The following SHLD3 variants were observed in gnomAD, a reference collection of about 807,000 sequenced individuals.
SHLD3 encodes shieldin complex subunit 3, also known as REV7-interacting novel NHEJ regulator 1.
Under a neutral mutation model 21.4 loss-of-function variants are expected in SHLD3, and 15 were observed. That is an observed-to-expected ratio of 0.70 (90% CI 0.47 to 1.08). SHLD3 has a LOEUF of 1.08. SHLD3 is among the 50% of genes least tolerant of loss of function. The pLI is 0.00. For missense variants in SHLD3, 273 were observed against 286.1 expected (o/e 0.95, Z 0.33); for synonymous variants, 103 against 97.2 (o/e 1.06, Z -0.35).
At chr5:65,625,514 T>C (rs1288559646) in intron 1 of SHLD3, 1 of 195,606 alleles carries the variant, frequency 5.1e-6, no homozygotes, top group Non-Finnish European at 1.0e-5. Flanking sequence ...TGCATGACAG[T>C]AGTGCAGAGA....
Position 65,625,075 on chromosome 5 carries a change from C to G in SHLD3, c.-152C>G. The G allele has an allele frequency of 6.2e-7, 1 of 1,613,794 alleles. No individual in the cohort carries two copies. Among genetic ancestry groups the G allele is most frequent in the Non-Finnish European group, 8.5e-7 (1 of 1,179,762 alleles). On this transcript the variant is annotated 5_prime_UTR_variant, in exon 1 of 2. Transcript: ENST00000510585. ...TGCCGGTCAAAATGGAAGTGAATCC[C>G]CCTAAACAGGAGCACCTGCTGGCGC... is the stretch of plus-strand genomic sequence containing the variant.
chr5:65,626,942 C>T (rs189052647), intron 1 of SHLD3, among the ~76,000 whole-genome samples: 38 of 151,808 alleles, frequency 2.5e-4, no homozygotes, highest in Non-Finnish European at 4.6e-4. Context: ...GGAGTTGACA[C>T]CAGCCTGGCC....
At chr5:65,627,556 G>A (rs779615604) in intron 1 of SHLD3, among the ~76,000 whole-genome samples, 1 of 151,918 alleles carries the variant, frequency 6.6e-6, no homozygotes, top group Non-Finnish European at 1.5e-5. Context: ...CTTGACCCTG[G>A]GAGGCGAAGG....
rs566243115 is a variant in SHLD3 at position 65,629,536 on chromosome 5, GA to G, written c.-51del. On this transcript the variant is annotated 5_prime_UTR_variant, in exon 2 of 2. Coordinates refer to ENST00000510585, the MANE Select transcript of SHLD3 (RefSeq NM_001365341.2). Reference sequence around the variant, plus strand: ...AATAAATTAACATTCTAGCTCTGAGGAGTTCAACTAAGAAATTTTCTCATCA... The same window carrying G: ...AATAAATTAACATTCTAGCTCTGAGGGTTCAACTAAGAAATTTTCTCATCA... The G allele has an allele frequency of 2.6e-5, 38 of 1,469,522 alleles. No individual in the cohort carries two copies. The South Asian group carries it at 5.1e-4, about 20-fold the overall frequency. The allele number at this position is 1,469,522 out of a possible 1,614,324, so 91.0% of individuals were successfully genotyped here.
At position 65,630,823 on chromosome 5, in the gene SHLD3, A is replaced by T. The variant is rs1332169296; in HGVS notation, c.*483A>T. 3.1e-6 allele frequency: 1 copy of T among 327,276 alleles called. No individual in the cohort carries two copies. Among genetic ancestry groups the T allele is most frequent in the African/African-American group, 2.2e-5 (1 of 44,864 alleles). 20.3% of individuals were successfully genotyped at this position (327,276 alleles called of 1,614,324 possible). ...TGATAGGCTGTTTTCAAACAACGAT[A>T]CAAAATGTATACTTTGCCTAAAACG... On this transcript the variant is annotated 3_prime_UTR_variant, in exon 2 of 2. Transcript: ENST00000510585.
intron 1 of SHLD3, among the ~76,000 whole-genome samples, chr5:65,628,194 G>C (rs1189579593): frequency 6.6e-6 from 1 of 152,050 alleles, no homozygotes; most frequent in Non-Finnish European, 1.5e-5. Flanking sequence ...GGCAACTTGA[G>C]GACTTCTGTG....
chr5:65,630,013 T>TA lies in SHLD3; in HGVS notation c.431dup (p.Asn144LysfsTer7). On this transcript the variant is annotated frameshift_variant, in exon 2 of 2. Transcript: ENST00000510585. LOFTEE classifies it high-confidence loss of function. Reference sequence around the variant, plus strand: ...TTTCCCTTCCCAGCAATAATTGTACTAAAAACGTTTCTCCTTTGTCTAAAA... The same window carrying TA: ...TTTCCCTTCCCAGCAATAATTGTACTAAAAAACGTTTCTCCTTTGTCTAAAA... 1.3e-6 allele frequency: 2 copies of TA among 1,535,944 alleles called. No homozygotes were observed. The highest frequency in any genetic ancestry group is 1.2e-5 in the South Asian group (1 of 84,056).
At chr5:65,628,225 A>T in intron 1 of SHLD3, among the ~76,000 whole-genome samples, 1 of 152,156 alleles carries the variant, frequency 6.6e-6, no homozygotes, top group Non-Finnish European at 1.5e-5. Flanking sequence ...AAAAAATAGG[A>T]GTCTAGACTT....
intron 1 of SHLD3, among the ~76,000 whole-genome samples, chr5:65,626,791 A>G (rs1755255425): frequency 1.3e-5 from 2 of 151,934 alleles, no homozygotes; most frequent in Admixed American, 1.3e-4. Flanking sequence ...GCCACTGGGA[A>G]TTTTTAGTTT....
At chr5:65,627,131 C>CAAAAAAAAAAAAAAAAAAAAAAAAA (rs60169195) in intron 1 of SHLD3, among the ~76,000 whole-genome samples, 12 of 32,578 alleles carry the variant, frequency 3.7e-4, no homozygotes, top group South Asian at 9.6e-4. Flanking sequence ...GACCCTGTCT[C>CAAAAAAAAAAAAAAAAAAAAAAAAA]AAAAAAAAAA....
Position 65,629,995 on chromosome 5 carries a change from T to C in SHLD3, c.408T>C (p.Leu136=), listed in dbSNP as rs998328243. ...AGAGGAGATCTTGGAGTATTTCCCTTCCCAGCAATAATTGTACTAAAAACG... is the reference window on the plus strand; with the variant it reads ...AGAGGAGATCTTGGAGTATTTCCCTCCCCAGCAATAATTGTACTAAAAACG... ...QHKRRSWSIS[L]PSNNCTKNVS... Residue 136 remains leucine, a synonymous_variant, in exon 2 of 2, where the codon CTT becomes CTC. Coordinates refer to ENST00000510585, the MANE Select transcript of SHLD3 (RefSeq NM_001365341.2). 17 of 1,535,790 alleles carry C rather than the reference T, an allele frequency of 1.1e-5. No individual in the cohort carries two copies. The highest frequency in any genetic ancestry group is 3.9e-5 in the Admixed American group (2 of 50,926).
At chr5:65,626,093 G>A (rs1268740949) in intron 1 of SHLD3, 1 of 91,768 alleles carries the variant, frequency 1.1e-5, no homozygotes, top group Non-Finnish European at 2.5e-5. Context: ...AGCTTAACCT[G>A]AGCAAATGAT....
chr5:65,630,481 G>T lies in SHLD3; in HGVS notation c.*141G>T. The T allele has an allele frequency of 7.2e-7, 1 of 1,382,180 alleles. No homozygotes were observed. Among genetic ancestry groups the T allele is most frequent in the Non-Finnish European group, 9.3e-7 (1 of 1,074,510 alleles). 85.6% of individuals were successfully genotyped at this position (1,382,180 alleles called of 1,614,324 possible). A position where few individuals can be genotyped will look rare whatever the true frequency, so the allele number is the denominator to read the frequency against. On this transcript the variant is annotated 3_prime_UTR_variant, in exon 2 of 2. Coordinates refer to ENST00000510585, the MANE Select transcript of SHLD3 (RefSeq NM_001365341.2). ...TTGTCAATTAAGTCAAGAAATTGCT[G>T]AGTTCTGCTTATTGGCAGCCTTCTT...
In SHLD3 at chr5:65,630,124, A is replaced by G. The variant is rs1356659082; in HGVS notation, c.537A>G (p.Gln179=). 5.9e-6 allele frequency: 9 copies of G among 1,535,972 alleles called. 1 individual carries two copies. Among genetic ancestry groups the G allele is most frequent in the Middle Eastern group, 3.3e-4 (2 of 6,010 alleles). The part of the protein sequence containing the change: ...WTIEHTICNS[Q]TLEDIWTKLN... ...TAGAACACACTATTTGTAACAGCCA[A>G]ACTCTGGAAGACATTTGGACAAAAC... Residue 179 remains glutamine, a synonymous_variant, in exon 2 of 2, where the codon CAA becomes CAG. Transcript: ENST00000510585.
intron 1 of SHLD3, among the ~76,000 whole-genome samples, chr5:65,628,495 T>TGG (rs1755353150): frequency 1.3e-5 from 2 of 151,606 alleles, no homozygotes; most frequent in African/African-American, 4.8e-5. Flanking sequence ...AGTCTTGCCC[T>TGG]GTCACCCAGG....
rs1444657471 is a variant in SHLD3 at position 65,630,718 on chromosome 5, T to C, written c.*378T>C. 5 of 975,528 alleles carry C rather than the reference T, an allele frequency of 5.1e-6. No individual in the cohort carries two copies. Among genetic ancestry groups the C allele is most frequent in the Non-Finnish European group, 6.1e-6 (5 of 817,654 alleles). 60.4% of individuals were successfully genotyped at this position (975,528 alleles called of 1,614,324 possible). The stretch of plus-strand genomic sequence containing the variant: ...CGAAACAATTCTCTTTGGAGTGCTA[T>C]TTATGTGGCATGAATGTAGTTCAAA... On this transcript the variant is annotated 3_prime_UTR_variant, in exon 2 of 2. Transcript: ENST00000510585.
rs979649761 is a variant in SHLD3 at position 65,630,509 on chromosome 5, A to G, written c.*169A>G. The G allele has an allele frequency of 6.8e-6, 9 of 1,329,666 alleles. No individual in the cohort carries two copies. In the African/African-American group the frequency reaches 1.3e-4, roughly 20 times the overall value. The allele number at this position is 1,329,666 out of a possible 1,614,324, so 82.4% of individuals were successfully genotyped here. On this transcript the variant is annotated 3_prime_UTR_variant, in exon 2 of 2. Transcript: ENST00000510585. ...TTCTGCTTATTGGCAGCCTTCTTTT[A>G]AATGTGATAAATTATTGTTTACACT...
chr5:65,626,462 C>T (rs1277178427), intron 1 of SHLD3, among the ~76,000 whole-genome samples: 2 of 152,170 alleles, frequency 1.3e-5, no homozygotes, highest in Non-Finnish European at 2.9e-5. Flanking sequence ...ATTGCAGCCG[C>T]GCGTGGTGGC....
At position 65,630,816 on chromosome 5, in the gene SHLD3, C is replaced by A; in HGVS notation, c.*476C>A. ...TAACAATTGATAGGCTGTTTTCAAA[C>A]AACGATACAAAATGTATACTTTGCC... On this transcript the variant is annotated 3_prime_UTR_variant, in exon 2 of 2. Transcript: ENST00000510585. 1 of 370,914 alleles carries A rather than the reference C, an allele frequency of 2.7e-6. No individual in the cohort carries two copies. Among genetic ancestry groups the A allele is most frequent in the Non-Finnish European group, 3.7e-6 (1 of 267,972 alleles). The allele number at this position is 370,914 out of a possible 1,614,324, so 23.0% of individuals were successfully genotyped here.
Sources: gnomAD v4.1 joint callset for allele counts (sites outside exome capture counted in the v4.1 genomes callset) on GRCh38, gnomAD v4.1.1 for gene constraint, MANE v1.5 for transcripts, NCBI Gene and HGNC (gene_info 2026-07-23, HGNC 2026-07-21) for gene names.